Variants in NRG1 observed in about 807,000 individuals in gnomAD.
NRG1 encodes pro-neuregulin-1, membrane-bound isoform.
NRG1 carries 18 observed loss-of-function variants against 63.8 expected under a neutral mutation model. The observed-to-expected ratio is 0.28, with a 90% CI of 0.19 to 0.42. The LOEUF is 0.42. Among genes scored for constraint, NRG1 ranks in the 10% least tolerant of loss-of-function variants. The probability of loss-of-function intolerance (pLI) is 1.00; values close to 1 mark genes in which losing one functional copy is unlikely to be tolerated. For missense variants in NRG1, 762 were observed against 814.7 expected, an observed-to-expected ratio of 0.94 and a Z score of 0.79; for synonymous variants, 302 against 301.3, an observed-to-expected ratio of 1.00 and a Z score of -0.02.
chr8:31,926,541 A>G (rs961382434), intron 1 of NRG1, among the ~76,000 whole-genome samples: 3 of 152,162 alleles, frequency 2.0e-5, no homozygotes, highest in African/African-American at 4.8e-5. Context: ...GAAAGAGATT[A>G]GGCATTGGAA....
intron 1 of NRG1, among the ~76,000 whole-genome samples, chr8:31,697,461 G>A (rs897149565): frequency 6.6e-6 from 1 of 152,060 alleles, no homozygotes. Context: ...TTATGATCCC[G>A]TTATCAATTT....
chr8:31,884,130 T>C (rs1327218241), intron 1 of NRG1, among the ~76,000 whole-genome samples: 1 of 152,168 alleles, frequency 6.6e-6, no homozygotes, highest in African/African-American at 2.4e-5. Context: ...TAATGACGTG[T>C]TATCTTGGTT....
intron 1 of NRG1, among the ~76,000 whole-genome samples, chr8:32,048,944 G>T (rs974349991): frequency 1.3e-5 from 2 of 151,942 alleles, no homozygotes; most frequent in African/African-American, 2.4e-5. Flanking sequence ...TTTAAGGGAG[G>T]CCAAATGGAA....
chr8:32,743,740 G>A lies in NRG1; in HGVS notation c.691+1007G>A, dbSNP rs553872860. ...CCATGTATTTGTCCTATTGTGAACT[G>A]GACACATATAACTTCTGATCCTGGA... is the stretch of plus-strand genomic sequence containing the variant. On this transcript the variant is annotated intron_variant, in intron 7 of 11. Transcript: ENST00000356819. 3.2e-4 allele frequency among the ~76,000 whole-genome samples: 45 copies of A among 141,392 alleles called. 1 individual carries two copies. The highest frequency in any genetic ancestry group is 9.0e-4 in the Admixed American group (12 of 13,378). The allele number at this position is 141,392 out of a possible 152,430, so 92.8% of individuals were successfully genotyped here. A position where few individuals can be genotyped will look rare whatever the true frequency, so the allele number is the denominator to read the frequency against.
chr8:32,161,368 C>T (rs1350258931), intron 1 of NRG1, among the ~76,000 whole-genome samples: 1 of 152,142 alleles, frequency 6.6e-6, no homozygotes, highest in African/African-American at 2.4e-5. Flanking sequence ...CTATCAATAT[C>T]ACCTACATGG....
At chr8:31,689,622 C>G (rs557710730) in intron 1 of NRG1, among the ~76,000 whole-genome samples, 10 of 152,224 alleles carry the variant, frequency 6.6e-5, no homozygotes, top group Non-Finnish European at 8.8e-5. Context: ...TTATTTATCT[C>G]TTTCCTAATT....
At chr8:31,942,860 A>T (rs1475383598) in intron 1 of NRG1, among the ~76,000 whole-genome samples, 1 of 135,034 alleles carries the variant, frequency 7.4e-6, no homozygotes, top group African/African-American at 2.8e-5. Context: ...CTTCCTCAAG[A>T]ATGACCATAA....
chr8:32,459,766 A>G lies in NRG1; in HGVS notation c.38-136062A>G, dbSNP rs545589652. Among the ~76,000 whole-genome samples, 5 of 152,240 alleles carry G rather than the reference A, an allele frequency of 3.3e-5. No homozygotes were observed. The East Asian group carries it at 9.6e-4, about 29-fold the overall frequency. ...ACTTTCCCATTGTCTGTTATACCTC[A>G]CAATCACTGGACTGCAGTTATTGCT... On this transcript the variant is annotated intron_variant, in intron 1 of 10. Transcript: ENST00000519301.
At chr8:32,759,343 T>C in exon 10 of NRG1, 1 of 1,613,932 alleles carries the variant, frequency 6.2e-7, no homozygotes, top group Non-Finnish European at 8.5e-7. Flanking sequence ...AGTGAGCATA[T>C]TGTTGAGAGA....
At chr8:32,068,393 A>G (rs577488077) in intron 1 of NRG1, among the ~76,000 whole-genome samples, 1 of 152,312 alleles carries the variant, frequency 6.6e-6, no homozygotes, top group Non-Finnish European at 1.5e-5. Flanking sequence ...AAATCAGGGA[A>G]TGTGGACAAA....
At chr8:32,229,455 G>T (rs1211454312) in intron 1 of NRG1, among the ~76,000 whole-genome samples, 1 of 152,090 alleles carries the variant, frequency 6.6e-6, no homozygotes, top group African/African-American at 2.4e-5. Flanking sequence ...TCACTCATTC[G>T]TGTGCCTGCT....
intron 1 of NRG1, among the ~76,000 whole-genome samples, chr8:32,087,080 C>T (rs1214953820): frequency 2.0e-5 from 3 of 152,172 alleles, no homozygotes; most frequent in African/African-American, 7.2e-5. Context: ...ATTTTACTCT[C>T]TGCTTCTGTG....
At chr8:32,191,327 G>T (rs983150811) in intron 1 of NRG1, among the ~76,000 whole-genome samples, 6 of 152,060 alleles carry the variant, frequency 3.9e-5, no homozygotes, top group African/African-American at 1.4e-4. Context: ...TGATTCTCCT[G>T]CCTTGGCCTC....
chr8:32,663,208 C>T (rs1384511419), intron 5 of NRG1, among the ~76,000 whole-genome samples: 1 of 152,162 alleles, frequency 6.6e-6, no homozygotes, highest in Non-Finnish European at 1.5e-5. Flanking sequence ...ATTGCCCCAT[C>T]CCTCTCAGCT....
At chr8:32,244,890 T>A (rs1374141515) in intron 1 of NRG1, among the ~76,000 whole-genome samples, 1 of 152,200 alleles carries the variant, frequency 6.6e-6, no homozygotes, top group Non-Finnish European at 1.5e-5. Context: ...TCAAAGATTA[T>A]GTTAAAGACC....
At chr8:32,585,434 C>T (rs1190835086) in intron 1 of NRG1, among the ~76,000 whole-genome samples, 1 of 152,190 alleles carries the variant, frequency 6.6e-6, no homozygotes, top group Non-Finnish European at 1.5e-5. Flanking sequence ...TGAACACTTA[C>T]CTTCCAGCTG....
chr8:32,046,736 G>A (rs796202182), intron 1 of NRG1, among the ~76,000 whole-genome samples: 7 of 152,042 alleles, frequency 4.6e-5, no homozygotes, highest in African/African-American at 1.7e-4. Flanking sequence ...CAGAGTTATG[G>A]TGGAACGAAA....
Position 31,834,292 on chromosome 8 carries a change from T to TGTGTGCACATGC in NRG1, c.37+194864_37+194865insTGCACATGCGTG, listed in dbSNP as rs1554546949. Among the ~76,000 whole-genome samples the TGTGTGCACATGC allele has an allele frequency of 2.3e-3, 44 of 19,248 alleles. No homozygotes were observed. The South Asian group carries it at 0.026, about 11-fold the overall frequency. The allele number at this position is 19,248 out of a possible 152,430, so 12.6% of individuals were successfully genotyped here. A position where few individuals can be genotyped will look rare whatever the true frequency, so the allele number is the denominator to read the frequency against. ...GAAAAAGTAGATCTCCCTTCATGCG[T>TGTGTGCACATGC]GTGCGCGCACGCGCGCACACACACA... On this transcript the variant is annotated intron_variant, in intron 1 of 10. Transcript: ENST00000519301.
At chr8:32,026,943 C>A (rs1817474052) in intron 1 of NRG1, among the ~76,000 whole-genome samples, 1 of 152,044 alleles carries the variant, frequency 6.6e-6, no homozygotes, top group Non-Finnish European at 1.5e-5. Context: ...TCTTAATCCC[C>A]ATTTCTCTGT....
Sources: allele counts gnomAD v4.1 joint callset (sites outside exome capture counted in the v4.1 genomes callset), GRCh38; gene constraint gnomAD v4.1.1; transcripts MANE v1.5; gene names NCBI Gene and HGNC (gene_info 2026-07-23, HGNC 2026-07-21).